Variants in NMBR observed in about 807,000 individuals in gnomAD.
NMBR encodes the protein neuromedin B receptor, also known as neuromedin-B receptor.
Under a neutral mutation model 20.5 loss-of-function variants are expected in NMBR, and 16 were observed. The observed-to-expected ratio is 0.78, with a 90% CI of 0.53 to 1.19. The LOEUF (loss-of-function observed/expected upper bound fraction) is 1.19. NMBR is among the 50% of genes most tolerant of loss of function. The pLI is 0.00. For missense variants in NMBR, 582 were observed against 499.1 expected, an observed-to-expected ratio of 1.17 and a Z score of -1.58; for synonymous variants, 212 against 196.6, an observed-to-expected ratio of 1.08 and a Z score of -0.65.
rs147647070 is a variant in NMBR at position 142,102,773 on chromosome 6, T to C, written c.-663-13452A>G. ...CTGCACTGGCCCTTCATCTTCCATT[T>C]ATCAAGGCATAAAGTTGTCCGTGTA... On this transcript the variant is annotated intron_variant, in intron 1 of 3. Coordinates refer to ENST00000258042, the MANE Select transcript of NMBR (RefSeq NM_002511.4). 2.7e-3 allele frequency among the ~76,000 whole-genome samples: 416 copies of C among 152,308 alleles called. 1 individual carries two copies. Among genetic ancestry groups the C allele is most frequent in the African/African-American group, 9.5e-3 (395 of 41,580 alleles).
rs1324882132 is a variant in NMBR, at chr6:142,146,985, T to C, written c.-664+59A>G. ...TGTTTTTCCTTTTCTATCCTTCCTT[T>C]TGCCACAAACAACAAACCAAACAAA... On this transcript the variant is annotated intron_variant, in intron 1 of 3. Coordinates refer to ENST00000258042, the MANE Select transcript of NMBR (RefSeq NM_002511.4). Among the ~76,000 whole-genome samples, 6 of 152,212 alleles carry C rather than the reference T, an allele frequency of 3.9e-5. No individual in the cohort carries two copies. The East Asian group carries it at 1.2e-3, about 29-fold the overall frequency.
chr6:142,094,048 T>C (rs1777392536), intron 1 of NMBR, among the ~76,000 whole-genome samples: 1 of 152,050 alleles, frequency 6.6e-6, no homozygotes, highest in Non-Finnish European at 1.5e-5. Context: ...TTCTGGATAT[T>C]AGCCCTTTGT....
intron 1 of NMBR, among the ~76,000 whole-genome samples, chr6:142,130,823 C>G (rs531380896): frequency 4.9e-4 from 75 of 152,142 alleles, no homozygotes; most frequent in Non-Finnish European, 9.6e-4. Flanking sequence ...CTACAGGCCA[C>G]TGACAACAAT....
Position 142,075,951 on chromosome 6 carries a change from A to G in NMBR, c.870T>C (p.Ser290=). 1 of 1,613,990 alleles carries G rather than the reference A, an allele frequency of 6.2e-7. No homozygotes were observed. Among genetic ancestry groups the G allele is most frequent in the Non-Finnish European group, 8.5e-7 (1 of 1,179,900 alleles). The change falls in exon 4 of 4, where the codon TCT becomes TCC. Residue 290 remains serine (S), a synonymous_variant. Transcript: ENST00000258042. The part of the protein sequence containing the change: ...FPNHILYMYR[S]FNYNEIDPSL... ...ATGGATCAATCTCATTATAGTTGAAAGACCGATACATGTAAAGGATGTGGT... is the reference window on the plus strand; with the variant it reads ...ATGGATCAATCTCATTATAGTTGAAGGACCGATACATGTAAAGGATGTGGT...
rs147263522 is a variant in NMBR at position 142,120,162 on chromosome 6, A to G, written c.-664+26882T>C. Among the ~76,000 whole-genome samples, 29 of 152,088 alleles carry G rather than the reference A, an allele frequency of 1.9e-4. 1 individual carries two copies. In the East Asian group the frequency reaches 5.6e-3, roughly 30 times the overall value. On this transcript the variant is annotated intron_variant, in intron 1 of 3. Transcript: ENST00000258042. The stretch of plus-strand genomic sequence containing the variant: ...GTAGAAATGGAATAATGGGGATTGA[A>G]TAATCTCTCCTGCCCTAAACAACTA...
rs1021826010 is a variant in NMBR at position 142,075,360 on chromosome 6, A to G, written c.*288T>C. On this transcript the variant is annotated 3_prime_UTR_variant, in exon 4 of 4. Transcript: ENST00000258042. The stretch of plus-strand genomic sequence containing the variant: ...TTGCATTGGTTTGGGGATCATCTTA[A>G]ATGTGAAATATATATAATGTACATG... Among the ~76,000 whole-genome samples the G allele has an allele frequency of 6.6e-6, 1 of 152,104 alleles. No homozygotes were observed. The highest frequency in any genetic ancestry group is 2.4e-5 in the African/African-American group (1 of 41,420).
intron 1 of NMBR, among the ~76,000 whole-genome samples, chr6:142,093,327 GGT>G (rs1777373145): frequency 9.0e-6 from 1 of 110,804 alleles, no homozygotes; most frequent in Non-Finnish European, 1.7e-5. Context: ...AACAGTCCCT[GGT>G]GTGTGATGTT....
At chr6:142,125,464 T>C (rs112596504) in intron 1 of NMBR, among the ~76,000 whole-genome samples, 124 of 151,992 alleles carry the variant, frequency 8.2e-4, no homozygotes, top group African/African-American at 2.5e-3. Context: ...CATATACATG[T>C]GCATGCATAT....
Position 142,128,138 on chromosome 6 carries a change from G to C in NMBR, c.-664+18906C>G, listed in dbSNP as rs371000806. On this transcript the variant is annotated intron_variant, in intron 1 of 3. Transcript: ENST00000258042. The stretch of plus-strand genomic sequence containing the variant: ...GCTCGTGAGATCTGGTTGTTTAAAA[G>C]TGTGTAGCAGCTCCCCACGCTTTCT... Among the ~76,000 whole-genome samples the C allele has an allele frequency of 7.3e-4, 111 of 152,072 alleles. 5 individuals are homozygous for C. The South Asian group carries it at 0.023, about 31-fold the overall frequency.
chr6:142,125,909 T>C lies in NMBR; in HGVS notation c.-664+21135A>G, dbSNP rs537572629. On this transcript the variant is annotated intron_variant, in intron 1 of 3. Coordinates refer to ENST00000258042, the MANE Select transcript of NMBR (RefSeq NM_002511.4). ...TGTGAACATATTCACAGTGAGAATATGTAAGAGTTACCTCTTACCAAATTT... is the reference window on the plus strand; with the variant it reads ...TGTGAACATATTCACAGTGAGAATACGTAAGAGTTACCTCTTACCAAATTT... 2.7e-4 allele frequency among the ~76,000 whole-genome samples: 41 copies of C among 151,742 alleles called. No homozygotes were observed. In the South Asian group the frequency reaches 8.3e-3, roughly 31 times the overall value.
chr6:142,137,882 A>T (rs947988196), intron 1 of NMBR, among the ~76,000 whole-genome samples: 12 of 152,110 alleles, frequency 7.9e-5, no homozygotes, highest in African/African-American at 2.9e-4. Context: ...AGTTTTCTTG[A>T]AAGTTTCAAT....
chr6:142,102,706 C>G (rs1410156721), intron 1 of NMBR, among the ~76,000 whole-genome samples: 1 of 152,184 alleles, frequency 6.6e-6, no homozygotes, highest in Non-Finnish European at 1.5e-5. Flanking sequence ...GTTTGCTTCT[C>G]ACTAATTATG....
chr6:142,146,556 T>C (rs554330899), intron 1 of NMBR, among the ~76,000 whole-genome samples: 1 of 152,082 alleles, frequency 6.6e-6, no homozygotes, highest in South Asian at 2.1e-4. Context: ...CTATCTTACA[T>C]TAAGACAAGA....
Position 142,094,291 on chromosome 6 carries a change from A to G in NMBR, c.-663-4970T>C, listed in dbSNP as rs561612474. Among the ~76,000 whole-genome samples, 28 of 152,220 alleles carry G rather than the reference A, an allele frequency of 1.8e-4. 1 individual carries two copies. The East Asian group carries it at 5.4e-3, about 29-fold the overall frequency. ...GGGTTTTTATTGTTTTAGGTCTAAC[A>G]TTTAAGTCTTTAATCCATCTTGAAT... On this transcript the variant is annotated intron_variant, in intron 1 of 3. Coordinates refer to ENST00000258042, the MANE Select transcript of NMBR (RefSeq NM_002511.4).
chr6:142,096,073 A>G (rs1582844878), intron 1 of NMBR, among the ~76,000 whole-genome samples: 1 of 152,040 alleles, frequency 6.6e-6, no homozygotes, highest in African/African-American at 2.4e-5. Flanking sequence ...CTAGCAGTCT[A>G]TCAATTTTGT....
At chr6:142,094,082 T>G (rs1167535934) in intron 1 of NMBR, among the ~76,000 whole-genome samples, 2 of 152,180 alleles carry the variant, frequency 1.3e-5, no homozygotes, top group South Asian at 2.1e-4. Flanking sequence ...TGCAAAAATT[T>G]TATCCCATTC....
chr6:142,097,165 C>A (rs1000466666), intron 1 of NMBR, among the ~76,000 whole-genome samples: 1 of 151,994 alleles, frequency 6.6e-6, no homozygotes, highest in African/African-American at 2.4e-5. Flanking sequence ...GCATTTAGCC[C>A]ATTTACATTT....
chr6:142,128,758 G>T (rs1778085812), intron 1 of NMBR, among the ~76,000 whole-genome samples: 1 of 151,708 alleles, frequency 6.6e-6, no homozygotes, highest in Non-Finnish European at 1.5e-5. Flanking sequence ...TGCTGAATTT[G>T]GTTTGCTAGT....
chr6:142,093,845 C>G lies in NMBR; in HGVS notation c.-663-4524G>C, dbSNP rs557366482. Among the ~76,000 whole-genome samples the G allele has an allele frequency of 3.2e-3, 493 of 152,252 alleles. 3 individuals are homozygous for G. Among genetic ancestry groups the G allele is most frequent in the African/African-American group, 0.011 (474 of 41,544 alleles). On this transcript the variant is annotated intron_variant, in intron 1 of 3. Coordinates refer to ENST00000258042, the MANE Select transcript of NMBR (RefSeq NM_002511.4). ...TCCTGACTTTTTAATGACTGCCATT[C>G]TAACTGGTGTGAGATGGTATCTCCT...
Sources: gnomAD v4.1 joint callset for allele counts (sites outside exome capture counted in the v4.1 genomes callset) on GRCh38, gnomAD v4.1.1 for gene constraint, MANE v1.5 for transcripts, NCBI Gene and HGNC (gene_info 2026-07-23, HGNC 2026-07-21) for gene names.